ANXA4: variants seen among roughly 807,000 people sequenced by gnomAD.
ANXA4 encodes 35-beta calcimedin.
A neutral mutation model predicts 49.8 loss-of-function variants in ANXA4; 39 were observed. The ratio of observed to expected loss-of-function variants is 0.78; its 90% confidence interval spans 0.61 to 1.02. ANXA4 has a LOEUF of 1.02. Among genes scored for constraint, ANXA4 ranks in the 50% least tolerant of loss-of-function variants. The pLI is 0.00. For missense variants in ANXA4, 360 were observed against 410.1 expected, an observed-to-expected ratio of 0.88 and a Z score of 1.05; for synonymous variants, 134 against 152.5, an observed-to-expected ratio of 0.88 and a Z score of 0.89.
chr2:69,757,264 ATATTTTTTTTTTTTT>A (rs1456306208), intron 1 of ANXA4, among the ~76,000 whole-genome samples: 23 of 28,032 alleles, frequency 8.2e-4, no homozygotes, highest in African/African-American at 3.9e-3. Context: ...ATATATATAT[ATATTTTTTTTTTTTT>A]TTTTTTTTTT....
At chr2:69,763,732 G>A (rs957515303) in intron 1 of ANXA4, among the ~76,000 whole-genome samples, 8 of 147,554 alleles carry the variant, frequency 5.4e-5, no homozygotes, top group Admixed American at 1.4e-4. Context: ...GCGTGATCTC[G>A]TCTCACTGCA....
At chr2:69,790,262 A>G (rs181609114) in intron 3 of ANXA4, among the ~76,000 whole-genome samples, 3 of 152,062 alleles carry the variant, frequency 2.0e-5, no homozygotes, top group Non-Finnish European at 4.4e-5. Context: ...TGAAATCCAT[A>G]ACTGCTGCTA....
intron 8 of ANXA4, among the ~76,000 whole-genome samples, chr2:69,813,251 T>A (rs1197255593): frequency 8.7e-6 from 1 of 114,402 alleles, no homozygotes; most frequent in African/African-American, 6.6e-5. Flanking sequence ...GTTCTAAAAT[T>A]TTTTTTTTTT....
At chr2:69,689,563 C>G (rs1677896220) in intron 2 of ANXA4, among the ~76,000 whole-genome samples, 1 of 152,078 alleles carries the variant, frequency 6.6e-6, no homozygotes, top group Admixed American at 6.6e-5. Context: ...TAAGACCCAC[C>G]ACCAACCATA....
At chr2:69,739,381 T>G (rs1050934484), upstream of ANXA4, among the ~76,000 whole-genome samples, 1 of 152,068 alleles carries the variant, frequency 6.6e-6, no homozygotes, top group Non-Finnish European at 1.5e-5. Context: ...TTGTGAGATT[T>G]TTAATTTTTT....
At chr2:69,645,454 G>A (rs894584533) in intron 1 of ANXA4, among the ~76,000 whole-genome samples, 3 of 152,194 alleles carry the variant, frequency 2.0e-5, no homozygotes, top group Non-Finnish European at 4.4e-5. Context: ...AGATGAGAAA[G>A]CTCATTTGGA....
chr2:69,645,666 T>C (rs1303487807), intron 1 of ANXA4, among the ~76,000 whole-genome samples: 1 of 152,198 alleles, frequency 6.6e-6, no homozygotes, highest in Non-Finnish European at 1.5e-5. Context: ...ATGCTTAAGG[T>C]AGCTAACATG....
At chr2:69,697,795 T>A (rs1678204649) in intron 2 of ANXA4, among the ~76,000 whole-genome samples, 1 of 151,964 alleles carries the variant, frequency 6.6e-6, no homozygotes, top group African/African-American at 2.4e-5. Flanking sequence ...ATGGGCACAG[T>A]TTATGGTGCC....
At chr2:69,700,106 A>C (rs1323905785) in intron 2 of ANXA4, 1 of 152,278 alleles carries the variant, frequency 6.6e-6, no homozygotes, top group Non-Finnish European at 1.5e-5. Flanking sequence ...CAGCATGAGG[A>C]AATGTAAATT....
chr2:69,765,725 A>G (rs890241231), intron 1 of ANXA4, among the ~76,000 whole-genome samples: 3 of 152,134 alleles, frequency 2.0e-5, no homozygotes, highest in African/African-American at 7.2e-5. Context: ...TCTAAAATCA[A>G]TTGTGGATGG....
At chr2:69,798,754 C>T (rs1673055469) in intron 3 of ANXA4, among the ~76,000 whole-genome samples, 1 of 152,138 alleles carries the variant, frequency 6.6e-6, no homozygotes, top group African/African-American at 2.4e-5. Flanking sequence ...CAAGAAGCCT[C>T]GGAAGTGAAA....
intron 3 of ANXA4, among the ~76,000 whole-genome samples, chr2:69,736,729 C>A (rs1198193021): frequency 6.6e-6 from 1 of 152,234 alleles, no homozygotes; most frequent in Non-Finnish European, 1.5e-5. Flanking sequence ...TTTACCCCCA[C>A]ATTTGACTGC....
At chr2:69,645,143 TCTTG>T (rs1184231036) in intron 1 of ANXA4, among the ~76,000 whole-genome samples, 3 of 152,220 alleles carry the variant, frequency 2.0e-5, no homozygotes, top group Admixed American at 2.0e-4. Context: ...AAAAAATGGT[TCTTG>T]CTTTCTCTAA....
intron 1 of ANXA4, 55 bp from the exon 2 acceptor site, chr2:69,781,465 T>C: frequency 1.4e-6 from 2 of 1,432,134 alleles, no homozygotes; most frequent in Non-Finnish European, 2.0e-6. Context: ...TCCTGATTAA[T>C]GATTTTAATG....
In ANXA4 at chr2:69,744,329, A is replaced by G. The variant is rs532323320; in HGVS notation, c.-47+2154A>G. ...CTGAAAAACAAACAAACAAACAAAC[A>G]AAAACAAGAGGAGGAGATTTTCTTT... On this transcript the variant is annotated intron_variant, in intron 1 of 12. Transcript: ENST00000394295. Among the ~76,000 whole-genome samples the G allele has an allele frequency of 2.0e-5, 3 of 152,310 alleles. No homozygotes were observed. The East Asian group carries it at 5.8e-4, about 29-fold the overall frequency.
intron 2 of ANXA4, among the ~76,000 whole-genome samples, chr2:69,702,232 T>G (rs887986287): frequency 6.6e-6 from 1 of 151,984 alleles, no homozygotes; most frequent in Non-Finnish European, 1.5e-5. Flanking sequence ...AGGCTGGTGT[T>G]GAACTCCTGA....
chr2:69,648,879 C>CTTTTTTTTTTTTT (rs201603508), intron 1 of ANXA4, among the ~76,000 whole-genome samples: 1 of 113,486 alleles, frequency 8.8e-6, no homozygotes, highest in African/African-American at 3.3e-5. Context: ...AATTTTCTTT[C>CTTTTTTTTTTTTT]TTTCTTTTCT....
At chr2:69,748,416 C>T (rs570211048) in intron 1 of ANXA4, among the ~76,000 whole-genome samples, 4 of 151,220 alleles carry the variant, frequency 2.6e-5, no homozygotes, top group African/African-American at 9.7e-5. Flanking sequence ...AGAAAAGGCA[C>T]ACATGCGGAA....
intron 3 of ANXA4, among the ~76,000 whole-genome samples, chr2:69,731,245 C>T (rs1670086381): frequency 6.6e-6 from 1 of 152,182 alleles, no homozygotes; most frequent in Admixed American, 6.5e-5. Flanking sequence ...TGTTAATTAA[C>T]TTCAGCACAA....
Sources: allele counts gnomAD v4.1 joint callset (sites outside exome capture counted in the v4.1 genomes callset), GRCh38; gene constraint gnomAD v4.1.1; transcripts MANE v1.5; gene names NCBI Gene and HGNC (gene_info 2026-07-23, HGNC 2026-07-21).